Variants in COL4A1 observed in about 807,000 individuals in gnomAD.
COL4A1 encodes collagen alpha-1(IV) chain.
In COL4A1, 40 loss-of-function variants were observed where a neutral mutation model predicts 216.6. The observed-to-expected ratio is 0.18, with a 90% CI of 0.14 to 0.24. The LOEUF (loss-of-function observed/expected upper bound fraction) is 0.24, where lower values mean the gene tolerates loss of function less well. Among genes scored for constraint, COL4A1 ranks in the 10% least tolerant of loss-of-function variants. The probability of loss-of-function intolerance (pLI) is 1.00; values close to 1 mark genes in which losing one functional copy is unlikely to be tolerated. For synonymous variants in COL4A1, 839 were observed against 810.7 expected (o/e 1.03, Z -0.59); for missense variants, 1,628 against 2,196.8 (o/e 0.74, Z 5.18).
chr13:110,212,041 A>C (rs1281877138), intron 6 of COL4A1, 119 bp from the exon 7 acceptor site: 1 of 1,083,472 alleles, frequency 9.2e-7, no homozygotes, highest in Non-Finnish European at 1.4e-6. Flanking sequence ...TTTCCTAAAA[A>C]CAGTTTGTCA....
At chr13:110,243,278 G>A (rs1346219919) in intron 1 of COL4A1, among the ~76,000 whole-genome samples, 2 of 151,910 alleles carry the variant, frequency 1.3e-5, no homozygotes, top group Non-Finnish European at 2.9e-5. Context: ...AAGCTTGAAC[G>A]TCACATTAAA....
At chr13:110,183,909 G>A (rs1041832623) in intron 26 of COL4A1, among the ~76,000 whole-genome samples, 6 of 152,186 alleles carry the variant, frequency 3.9e-5, no homozygotes, top group Non-Finnish European at 7.3e-5. Context: ...GTTAAGAAAG[G>A]ACCAAAGGCT....
At chr13:110,160,551 C>T (rs1437175382) in intron 49 of COL4A1, among the ~76,000 whole-genome samples, 1 of 152,116 alleles carries the variant, frequency 6.6e-6, no homozygotes, top group African/African-American at 2.4e-5. Context: ...AAAGATTGAG[C>T]AACACTGTTC....
At chr13:110,185,975 C>T (rs1473235456) in intron 26 of COL4A1, among the ~76,000 whole-genome samples, 1 of 152,204 alleles carries the variant, frequency 6.6e-6, no homozygotes, top group East Asian at 1.9e-4. Flanking sequence ...AATCCATTCA[C>T]AGGCGTCTGC....
chr13:110,213,277 A>C (rs576662268), intron 4 of COL4A1, among the ~76,000 whole-genome samples: 22 of 150,006 alleles, frequency 1.5e-4, no homozygotes, highest in African/African-American at 4.6e-4. Flanking sequence ...ATAAAAAAAA[A>C]CAAAAAAATA....
At chr13:110,253,932 G>A (rs181278860) in intron 1 of COL4A1, among the ~76,000 whole-genome samples, 217 of 151,872 alleles carry the variant, frequency 1.4e-3, no homozygotes, top group Non-Finnish European at 2.5e-3. Flanking sequence ...TGGAGTAGGA[G>A]AAGGTTTGTA....
At chr13:110,153,445 C>T (rs1876608394) in intron 50 of COL4A1, among the ~76,000 whole-genome samples, 1 of 152,164 alleles carries the variant, frequency 6.6e-6, no homozygotes, top group Non-Finnish European at 1.5e-5. Flanking sequence ...CTTTTGACAC[C>T]CGGACAAGGG....
chr13:110,153,962 C>T lies in COL4A1; in HGVS notation c.4755+1321G>A, dbSNP rs75125319. Among the ~76,000 whole-genome samples, 1,507 of 152,246 alleles carry T rather than the reference C, an allele frequency of 9.9e-3. 48 individuals are homozygous for T. In the East Asian group the frequency reaches 0.14, roughly 14 times the overall value. ...GGCGCAGGGCAGACGCCACACCATC[C>T]GTGAGTTACCTTGTTATCTACCCTC... On this transcript the variant is annotated intron_variant, in intron 50 of 51. Transcript: ENST00000375820.
intron 50 of COL4A1, 48 bp downstream of exon 50, chr13:110,155,235 G>GT (rs757951120): frequency 1.4e-6 from 2 of 1,404,238 alleles, no homozygotes; most frequent in South Asian, 2.3e-5. Context: ...ACTATGGGGC[G>GT]TGAGTGGGGC....
intron 1 of COL4A1, among the ~76,000 whole-genome samples, chr13:110,276,580 A>C (rs1883439750): frequency 6.6e-6 from 1 of 152,214 alleles, no homozygotes; most frequent in East Asian, 1.9e-4. Context: ...ACAGGCAATA[A>C]TTAATTTCTC....
chr13:110,213,653 C>G (rs1456377582), intron 4 of COL4A1, 129 bp downstream of exon 4: 1 of 923,126 alleles, frequency 1.1e-6, no homozygotes, highest in African/African-American at 1.6e-5. Context: ...CCTGCCTGCC[C>G]GTGCTGTGTG....
chr13:110,239,813 T>C (rs959323496), intron 2 of COL4A1, among the ~76,000 whole-genome samples: 1 of 152,154 alleles, frequency 6.6e-6, no homozygotes, highest in Admixed American at 6.5e-5. Flanking sequence ...TTAGCTGACT[T>C]TGGGATGAGA....
At chr13:110,187,364 C>T (rs1878450331) in intron 24 of COL4A1, 35 bp from the exon 25 acceptor site, 1 of 1,610,100 alleles carries the variant, frequency 6.2e-7, no homozygotes, top group Admixed American at 1.7e-5. Flanking sequence ...CACAGAAGAA[C>T]CCATCCATGA....
chr13:110,203,629 T>C, intron 17 of COL4A1, 22 bp from the exon 18 acceptor site: 2 of 1,613,598 alleles, frequency 1.2e-6, no homozygotes, highest in South Asian at 2.2e-5. Context: ...AAAATAACTT[T>C]CCTTGCATAT....
rs1043402064 is a variant in COL4A1, at chr13:110,164,799, G to C, written c.4150+63C>G. 26 of 1,591,798 alleles carry C rather than the reference G, an allele frequency of 1.6e-5. No individual in the cohort carries two copies. In the African/African-American group the frequency reaches 3.5e-4, roughly 22 times the overall value. ...CTTATTTTAGATACATGGGTGAGGA[G>C]GAACTCTGACCACTGCCCCTCTGGG... On this transcript the variant is annotated intron_variant, in intron 46 of 51. Coordinates refer to ENST00000375820, the MANE Select transcript of COL4A1 (RefSeq NM_001845.6).
chr13:110,244,822 C>T (rs188175223), intron 1 of COL4A1, among the ~76,000 whole-genome samples: 5 of 152,234 alleles, frequency 3.3e-5, no homozygotes, highest in Admixed American at 3.3e-4. Flanking sequence ...TAAGACGACA[C>T]CAATTGTAAA....
In COL4A1 at chr13:110,210,222, G is replaced by A; in HGVS notation, c.469-10C>T. 6.2e-7 allele frequency: 1 copy of A among 1,612,536 alleles called. No homozygotes were observed. Reference sequence around the variant, plus strand: ...TCTCACCTGGATCACCCTAGAGGATGAAGAAAGAAAATAGAAAGTTGCAAA... The same window carrying A: ...TCTCACCTGGATCACCCTAGAGGATAAAGAAAGAAAATAGAAAGTTGCAAA... On this transcript the variant is annotated splice_polypyrimidine_tract_variant and intron_variant, in intron 8 of 51. Coordinates refer to ENST00000375820, the MANE Select transcript of COL4A1 (RefSeq NM_001845.6).
intron 1 of COL4A1, among the ~76,000 whole-genome samples, chr13:110,278,949 A>C (rs1486220770): frequency 2.0e-5 from 3 of 152,092 alleles, no homozygotes; most frequent in Admixed American, 2.0e-4. Context: ...ATCTTCCCTT[A>C]ATCTAGGACT....
intron 47 of COL4A1, 119 bp downstream of exon 47, chr13:110,163,344 C>T (rs1385405868): frequency 1.1e-5 from 9 of 830,512 alleles, no homozygotes; most frequent in Admixed American, 2.0e-5. Flanking sequence ...CAGACTTCTT[C>T]GGAAATCTGT....
Sources: allele counts gnomAD v4.1 joint callset (sites outside exome capture counted in the v4.1 genomes callset), GRCh38; gene constraint gnomAD v4.1.1; transcripts MANE v1.5; gene names NCBI Gene and HGNC (gene_info 2026-07-23, HGNC 2026-07-21).